The following DPYD variants were observed in gnomAD, a reference collection of about 807,000 sequenced individuals.
DPYD encodes dihydropyrimidine dehydrogenase [NADP(+)].
In DPYD, 109 loss-of-function variants were observed where a neutral mutation model predicts 116.2. The ratio of observed to expected loss-of-function variants is 0.94; its 90% CI spans 0.80 to 1.10. DPYD has a LOEUF of 1.10. Ranked by LOEUF, DPYD falls within the 50% of genes least tolerant of loss-of-function variation. DPYD has a pLI of 0.00. For missense variants in DPYD, 1,302 were observed against 1,254.5 expected (o/e 1.04, Z -0.57); for synonymous variants, 440 against 432.0 (o/e 1.02, Z -0.23).
At chr1:97,331,098 G>A (rs994939256) in intron 16 of DPYD, among the ~76,000 whole-genome samples, 6 of 152,164 alleles carry the variant, frequency 3.9e-5, no homozygotes, top group African/African-American at 1.4e-4. Flanking sequence ...AGATACAGGT[G>A]TGAGAAAGCT....
intron 15 of DPYD, among the ~76,000 whole-genome samples, chr1:97,376,229 T>G (rs1209453999): frequency 6.6e-5 from 10 of 152,330 alleles, no homozygotes; most frequent in Admixed American, 5.9e-4. Flanking sequence ...GACCTGCATT[T>G]ATACCCACTA....
intron 14 of DPYD, among the ~76,000 whole-genome samples, chr1:97,389,084 C>A (rs1416047972): frequency 1.3e-5 from 2 of 151,744 alleles, no homozygotes; most frequent in African/African-American, 4.8e-5. Context: ...AGGTCTCTTA[C>A]TGAGAGTAAA....
intron 3 of DPYD, among the ~76,000 whole-genome samples, chr1:97,750,438 T>C (rs1354123014): frequency 1.3e-5 from 2 of 152,174 alleles, no homozygotes; most frequent in South Asian, 2.1e-4. Flanking sequence ...TTAGGGCATG[T>C]GGACTAAGAT....
intron 8 of DPYD, among the ~76,000 whole-genome samples, chr1:97,633,916 T>C (rs1188082597): frequency 6.6e-6 from 1 of 152,004 alleles, no homozygotes; most frequent in African/African-American, 2.4e-5. Context: ...GTGATAAGAG[T>C]TGTTCTTCCT....
intron 14 of DPYD, among the ~76,000 whole-genome samples, chr1:97,389,443 C>G (rs12047716): frequency 2.6e-5 from 4 of 151,306 alleles, no homozygotes; most frequent in African/African-American, 9.7e-5. Context: ...TAGTAAAAAT[C>G]AAAGGACAAG....
At chr1:97,716,153 T>A (rs982115201) in intron 5 of DPYD, among the ~76,000 whole-genome samples, 1 of 152,102 alleles carries the variant, frequency 6.6e-6, no homozygotes, top group Non-Finnish European at 1.5e-5. Flanking sequence ...TTGACATTTT[T>A]AATTGTATTA....
chr1:97,567,606 C>CCCT (rs1164340115), intron 11 of DPYD, among the ~76,000 whole-genome samples: 4 of 152,110 alleles, frequency 2.6e-5, no homozygotes, highest in African/African-American at 9.7e-5. Flanking sequence ...GATGCTGAGT[C>CCCT]CCTCACCATT....
intron 7 of DPYD, among the ~76,000 whole-genome samples, chr1:97,681,452 T>A (rs1457304667): frequency 6.6e-6 from 1 of 152,156 alleles, no homozygotes; most frequent in African/African-American, 2.4e-5. Flanking sequence ...GTAATTCTGT[T>A]TTTATATTGG....
chr1:97,168,059 T>G (rs1368156385), intron 20 of DPYD, among the ~76,000 whole-genome samples: 1 of 152,194 alleles, frequency 6.6e-6, no homozygotes, highest in Non-Finnish European at 1.5e-5. Flanking sequence ...AACCTAAAGT[T>G]TTTATTCCAG....
intron 12 of DPYD, among the ~76,000 whole-genome samples, chr1:97,535,778 A>AT (rs1363099714): frequency 6.6e-6 from 1 of 152,096 alleles, no homozygotes; most frequent in African/African-American, 2.4e-5. Context: ...CTCATTGCTC[A>AT]TTTTTTCCTT....
At chr1:97,120,816 C>T (rs376549030) in intron 20 of DPYD, among the ~76,000 whole-genome samples, 12 of 152,140 alleles carry the variant, frequency 7.9e-5, no homozygotes, top group Middle Eastern at 3.4e-3. Flanking sequence ...GGGTCTTTAG[C>T]GAGAAAATAA....
intron 1 of DPYD, among the ~76,000 whole-genome samples, chr1:97,909,353 G>A (rs955080202): frequency 6.6e-6 from 1 of 151,920 alleles, no homozygotes; most frequent in Non-Finnish European, 1.5e-5. Flanking sequence ...TAATTATCCT[G>A]TCTATGTCTT....
chr1:97,656,878 G>C (rs144030625), intron 8 of DPYD, among the ~76,000 whole-genome samples: 100 of 145,788 alleles, frequency 6.9e-4, no homozygotes, highest in African/African-American at 2.5e-3. Flanking sequence ...GTGTGACTTT[G>C]CTTACTATAA....
intron 19 of DPYD, among the ~76,000 whole-genome samples, chr1:97,196,578 G>A (rs548809037): frequency 3.3e-5 from 5 of 152,308 alleles, no homozygotes; most frequent in African/African-American, 1.2e-4. Flanking sequence ...CTAACATGAT[G>A]CGGGCTCTTC....
At chr1:97,652,643 T>A (rs1008946517) in intron 8 of DPYD, among the ~76,000 whole-genome samples, 1 of 152,184 alleles carries the variant, frequency 6.6e-6, no homozygotes, top group Admixed American at 6.5e-5. Context: ...AAAACCCACA[T>A]AATTTTAATT....
intron 16 of DPYD, among the ~76,000 whole-genome samples, chr1:97,367,413 A>G (rs1403677660): frequency 6.6e-6 from 1 of 152,154 alleles, no homozygotes; most frequent in African/African-American, 2.4e-5. Context: ...AAGGTTTACC[A>G]CTTTTAAACC....
chr1:97,825,054 T>C (rs1669166296), intron 3 of DPYD, among the ~76,000 whole-genome samples: 1 of 152,174 alleles, frequency 6.6e-6, no homozygotes, highest in African/African-American at 2.4e-5. Context: ...TTTTTCTCTC[T>C]CTCTACATCA....
At chr1:97,101,734 G>A (rs1650704127) in intron 20 of DPYD, among the ~76,000 whole-genome samples, 1 of 152,020 alleles carries the variant, frequency 6.6e-6, no homozygotes, top group Admixed American at 6.6e-5. Flanking sequence ...AAAAGTTGTA[G>A]CCTGCGGTAA....
At chr1:97,784,150 G>A (rs191370013) in intron 3 of DPYD, among the ~76,000 whole-genome samples, 16 of 152,162 alleles carry the variant, frequency 1.1e-4, no homozygotes, top group East Asian at 7.7e-4. Flanking sequence ...GACTGTCAGC[G>A]TTCAACATAG....
Sources: gnomAD v4.1 joint callset for allele counts (sites outside exome capture counted in the v4.1 genomes callset) on GRCh38, gnomAD v4.1.1 for gene constraint, MANE v1.5 for transcripts, NCBI Gene and HGNC (gene_info 2026-07-23, HGNC 2026-07-21) for gene names.